Variants in CFTR observed in about 807,000 individuals in gnomAD.
The protein encoded by CFTR is cystic fibrosis transmembrane conductance regulator.
CFTR carries 181 observed loss-of-function variants against 171.6 expected under a neutral mutation model. The ratio of observed to expected loss-of-function variants is 1.05; its 90% CI spans 0.93 to 1.19. The LOEUF (loss-of-function observed/expected upper bound fraction) is 1.19, where lower values mean the gene tolerates loss of function less well. CFTR is among the 50% of genes most tolerant of loss of function. The pLI, the probability that CFTR is intolerant of heterozygous loss-of-function variation, is 0.00. For synonymous variants in CFTR, 583 were observed against 608.0 expected, an observed-to-expected ratio of 0.96 and a Z score of 0.60; for missense variants, 1,968 against 1,734.7, an observed-to-expected ratio of 1.13 and a Z score of -2.39.
chr7:117,523,381 GT>G (rs202247662), intron 3 of CFTR, among the ~76,000 whole-genome samples: 48 of 142,582 alleles, frequency 3.4e-4, no homozygotes, highest in Middle Eastern at 3.6e-3. Flanking sequence ...TTTGTTTTTT[GT>G]TTTTTTTTTT....
intron 22 of CFTR, among the ~76,000 whole-genome samples, chr7:117,638,421 G>A (rs1437757082): frequency 6.6e-6 from 1 of 151,932 alleles, no homozygotes; most frequent in Non-Finnish European, 1.5e-5. Flanking sequence ...CTACTTCTAG[G>A]TTATATGCTT....
intron 7 of CFTR, among the ~76,000 whole-genome samples, chr7:117,538,650 T>C (rs929819551): frequency 1.3e-5 from 2 of 152,248 alleles, no homozygotes; most frequent in African/African-American, 4.8e-5. Flanking sequence ...TCTACTGTGC[T>C]ATTTAATCTT....
At chr7:117,619,932 CTGAT>C (rs1003597747) in intron 21 of CFTR, among the ~76,000 whole-genome samples, 4 of 151,634 alleles carry the variant, frequency 2.6e-5, no homozygotes, top group African/African-American at 7.3e-5. Flanking sequence ...GATCAAGTGA[CTGAT>C]TGTACCATGA....
chr7:117,635,605 T>TA (rs1397108951), intron 22 of CFTR, among the ~76,000 whole-genome samples: 5 of 152,220 alleles, frequency 3.3e-5, no homozygotes, highest in Admixed American at 3.3e-4. Flanking sequence ...CTTAGCATAG[T>TA]AATTCTTCTT....
chr7:117,544,364 C>T (rs1689813055), intron 9 of CFTR, among the ~76,000 whole-genome samples: 1 of 152,158 alleles, frequency 6.6e-6, no homozygotes, highest in Admixed American at 6.6e-5. Flanking sequence ...TACCATTTCC[C>T]TAAAGGCTAT....
intron 18 of CFTR, among the ~76,000 whole-genome samples, chr7:117,607,273 G>GA: frequency 6.6e-6 from 1 of 152,124 alleles, no homozygotes; most frequent in East Asian, 1.9e-4. Flanking sequence ...AGAGGGGAAA[G>GA]AAAAAATCTA....
chr7:117,493,895 T>G (rs2116622092), intron 1 of CFTR, among the ~76,000 whole-genome samples: 1 of 152,162 alleles, frequency 6.6e-6, no homozygotes, highest in African/African-American at 2.4e-5. Context: ...CTTTGAATCC[T>G]TCTGAGAAAT....
At chr7:117,650,174 GT>G (rs1283237062) in intron 23 of CFTR, among the ~76,000 whole-genome samples, 12 of 152,282 alleles carry the variant, frequency 7.9e-5, no homozygotes, top group African/African-American at 2.6e-4. Flanking sequence ...TCTAATTTCT[GT>G]TGTAGTGAAT....
intron 3 of CFTR, among the ~76,000 whole-genome samples, chr7:117,523,623 T>A (rs1328093110): frequency 6.6e-6 from 1 of 152,136 alleles, no homozygotes; most frequent in Non-Finnish European, 1.5e-5. Flanking sequence ...GTGATCCTCC[T>A]GCCTCGGCCT....
rs193922512 is a variant in CFTR at position 117,603,706 on chromosome 7, G to T, written c.2832G>T (p.Val944=). ...GLPLVHTLIT[V]SKILHHKMLH... ...CACTGGTGCATACTCTAATCACAGT[G>T]TCGAAAATTTTACACCACAAAATGT... Residue 944 remains valine (V), a synonymous_variant, in exon 17 of 27, where the codon GTG becomes GTT. Coordinates refer to ENST00000003084, the MANE Select transcript of CFTR (RefSeq NM_000492.4). 3.1e-6 allele frequency: 5 copies of T among 1,614,070 alleles called. No individual in the cohort carries two copies. Among genetic ancestry groups the T allele is most frequent in the Non-Finnish European group, 4.2e-6 (5 of 1,179,954 alleles).
At chr7:117,510,713 C>A (rs544188034) in intron 3 of CFTR, among the ~76,000 whole-genome samples, 218 of 152,204 alleles carry the variant, frequency 1.4e-3, no homozygotes, top group Middle Eastern at 3.4e-3. Context: ...ACCTAAATGT[C>A]AAAGTTTGTA....
intron 17 of CFTR, among the ~76,000 whole-genome samples, chr7:117,606,278 A>G (rs961317728): frequency 1.3e-5 from 2 of 152,158 alleles, no homozygotes; most frequent in Middle Eastern, 3.2e-3. Context: ...GGAGACCCCT[A>G]TGTTATAGAA....
At chr7:117,653,758 A>G (rs1040345793) in intron 24 of CFTR, among the ~76,000 whole-genome samples, 1 of 152,182 alleles carries the variant, frequency 6.6e-6, no homozygotes, top group Non-Finnish European at 1.5e-5. Context: ...ATCAACTTAC[A>G]AGGCTAAAGT....
intron 3 of CFTR, among the ~76,000 whole-genome samples, chr7:117,520,589 T>C (rs770848880): frequency 1.5e-4 from 23 of 151,958 alleles, no homozygotes; most frequent in Non-Finnish European, 2.7e-4. Flanking sequence ...TATTAAAGTA[T>C]TACATGTGCT....
At chr7:117,559,420 G>T in intron 10 of CFTR, 44 bp from the exon 11 acceptor site, 1 of 1,255,240 alleles carries the variant, frequency 8.0e-7, no homozygotes. Context: ...TGAATCCTGA[G>T]CGTGATTTGA....
rs1793384152 is a variant in CFTR at position 117,666,884 on chromosome 7, TCTCA to T, written c.4243-21_4243-18del. 3 of 1,610,954 alleles carry T rather than the reference TCTCA, an allele frequency of 1.9e-6. No individual in the cohort carries two copies. The highest frequency in any genetic ancestry group is 3.3e-4 in the Middle Eastern group (2 of 6,048). ...GGTCTGACCTGCCTTCTGTCCCAGA[TCTCA>T]CTAACAGCCATTTCCCTAGGTCATA... On this transcript the variant is annotated intron_variant, in intron 26 of 26. Transcript: ENST00000003084.
chr7:117,551,991 A>G (rs1799278668), intron 10 of CFTR, among the ~76,000 whole-genome samples: 4 of 152,310 alleles, frequency 2.6e-5, no homozygotes, highest in South Asian at 4.1e-4. Context: ...CTTTTTATAC[A>G]GAATACATGT....
At chr7:117,520,155 C>A (rs1382044603) in intron 3 of CFTR, among the ~76,000 whole-genome samples, 1 of 151,076 alleles carries the variant, frequency 6.6e-6, no homozygotes, top group Non-Finnish European at 1.5e-5. Flanking sequence ...GTGTGAATTG[C>A]CTTTCATGTT....
chr7:117,645,246 T>C (rs1236445546), intron 23 of CFTR, among the ~76,000 whole-genome samples: 1 of 152,178 alleles, frequency 6.6e-6, no homozygotes, highest in Non-Finnish European at 1.5e-5. Flanking sequence ...ATTATTAAAC[T>C]CCTACATGCT....
Sources: gnomAD v4.1 joint callset for allele counts (sites outside exome capture counted in the v4.1 genomes callset) on GRCh38, gnomAD v4.1.1 for gene constraint, MANE v1.5 for transcripts, NCBI Gene and HGNC (gene_info 2026-07-23, HGNC 2026-07-21) for gene names.